TMOD1: variants seen among roughly 807,000 people sequenced by gnomAD.
The protein encoded by TMOD1 is tropomodulin-1.
In TMOD1, 17 loss-of-function variants were observed where a neutral mutation model predicts 40.6. The ratio of observed to expected loss-of-function variants is 0.42; its 90% CI spans 0.29 to 0.63. TMOD1 has a LOEUF of 0.63. TMOD1 is among the 20% of genes least tolerant of loss of function. The pLI, the probability that TMOD1 is intolerant of heterozygous loss-of-function variation, is 0.22. For synonymous variants in TMOD1, 181 were observed against 175.0 expected (o/e 1.03, Z -0.27); for missense variants, 391 against 447.6 (o/e 0.87, Z 1.14).
At chr9:97,599,411 A>G (rs373562246) in intron 9 of TMOD1, among the ~76,000 whole-genome samples, 2 of 152,164 alleles carry the variant, frequency 1.3e-5, no homozygotes, top group Non-Finnish European at 2.9e-5. Context: ...CACTTAGCAG[A>G]TATCTATGAA....
chr9:97,580,444 A>G (rs931922775), intron 8 of TMOD1, among the ~76,000 whole-genome samples: 12 of 152,190 alleles, frequency 7.9e-5, no homozygotes, highest in African/African-American at 2.6e-4. Context: ...ATCTCTACTA[A>G]AAACACAAAA....
At chr9:97,514,547 G>C (rs920070809) in intron 1 of TMOD1, among the ~76,000 whole-genome samples, 1 of 152,132 alleles carries the variant, frequency 6.6e-6, no homozygotes, top group East Asian at 1.9e-4. Context: ...CCTGGGGATG[G>C]GTTCTTGGAC....
At chr9:97,591,262 T>C in intron 8 of TMOD1, 29 bp from the exon 9 acceptor site, 2 of 1,572,946 alleles carry the variant, frequency 1.3e-6, no homozygotes, top group Non-Finnish European at 8.6e-7. Context: ...TGATTTTATT[T>C]TTTATTTTTT....
At chr9:97,577,878 A>G (rs902333644) in intron 8 of TMOD1, among the ~76,000 whole-genome samples, 1 of 152,232 alleles carries the variant, frequency 6.6e-6, no homozygotes, top group East Asian at 1.9e-4. Context: ...GCTTTTGTAA[A>G]ATGTTTATGA....
intron 3 of TMOD1, among the ~76,000 whole-genome samples, chr9:97,550,991 T>TA (rs1254502860): frequency 2.0e-4 from 16 of 80,540 alleles, no homozygotes; most frequent in African/African-American, 1.1e-3. Flanking sequence ...TTCTAAGAAT[T>TA]TTATATATAT....
intron 1 of TMOD1, among the ~76,000 whole-genome samples, chr9:97,511,852 T>TG (rs145941474): frequency 0.53 from 80,497 of 151,972 alleles, 21,745 homozygotes; most frequent in Middle Eastern, 0.63. Context: ...CCCAAAGTGC[T>TG]GGGATTACCG....
rs767275434 is a variant in TMOD1, at chr9:97,591,285, C to T, written c.871-6C>T. ...TTTTTTATTTTTTATTTTTTCTTGA[C>T]TAAAGAGCCAGCCCCTGGGCAACAA... is the stretch of plus-strand genomic sequence containing the variant. On this transcript the variant is annotated splice_polypyrimidine_tract_variant and splice_region_variant and intron_variant, in intron 8 of 9. Transcript: ENST00000259365. The T allele has an allele frequency of 5.6e-6, 9 of 1,611,598 alleles. No homozygotes were observed. Among genetic ancestry groups the T allele is most frequent in the South Asian group, 1.1e-5 (1 of 90,652 alleles).
intron 1 of TMOD1, among the ~76,000 whole-genome samples, chr9:97,519,057 G>A (rs1178912321): frequency 6.6e-6 from 1 of 152,236 alleles, no homozygotes; most frequent in African/African-American, 2.4e-5. Context: ...AGGAAGTGCA[G>A]TCCATAAATC....
chr9:97,563,316 G>A (rs1830669456), intron 5 of TMOD1, among the ~76,000 whole-genome samples: 1 of 152,198 alleles, frequency 6.6e-6, no homozygotes, highest in African/African-American at 2.4e-5. Context: ...GCCTCCCAAA[G>A]TGCTGGGATT....
intron 2 of TMOD1, among the ~76,000 whole-genome samples, chr9:97,538,468 A>C (rs544511492): frequency 4.5e-5 from 3 of 67,164 alleles, no homozygotes; most frequent in Admixed American, 3.7e-4. Flanking sequence ...TGAACTAACT[A>C]CAAAAAAAAA....
At chr9:97,531,640 T>C (rs1341699103) in intron 2 of TMOD1, among the ~76,000 whole-genome samples, 1 of 152,046 alleles carries the variant, frequency 6.6e-6, no homozygotes, top group Non-Finnish European at 1.5e-5. Context: ...CAAAGGGCCA[T>C]GAATTGCAGG....
Position 97,600,660 on chromosome 9 carries a change from A to C in TMOD1, c.*962A>C. On this transcript the variant is annotated 3_prime_UTR_variant, in exon 10 of 10. Transcript: ENST00000259365. The stretch of plus-strand genomic sequence containing the variant: ...CTACTGATCTCATCACTTATTAGAC[A>C]AATTGCTGCTGACCTTACGCCTGTA... 6 of 991,718 alleles carry C rather than the reference A, an allele frequency of 6.1e-6. No homozygotes were observed. The highest frequency in any genetic ancestry group is 7.2e-6 in the Non-Finnish European group (6 of 833,856). The allele number at this position is 991,718 out of a possible 1,614,324, so 61.4% of individuals were successfully genotyped here.
chr9:97,568,319 A>T (rs940075059), intron 7 of TMOD1, among the ~76,000 whole-genome samples: 1 of 152,196 alleles, frequency 6.6e-6, no homozygotes, highest in South Asian at 2.1e-4. Flanking sequence ...CACCAGGAGT[A>T]TATAGTCTAA....
intron 9 of TMOD1, among the ~76,000 whole-genome samples, chr9:97,595,294 C>T (rs1826084922): frequency 6.6e-6 from 1 of 152,174 alleles, no homozygotes; most frequent in Non-Finnish European, 1.5e-5. Flanking sequence ...ATTCACCATG[C>T]TGTGTAACAG....
chr9:97,589,523 C>T (rs1825957346), intron 8 of TMOD1, among the ~76,000 whole-genome samples: 1 of 151,984 alleles, frequency 6.6e-6, no homozygotes, highest in Admixed American at 6.6e-5. Context: ...TCGTGATCCA[C>T]CCGCCTCGGC....
chr9:97,551,037 T>A (rs1170736903), intron 3 of TMOD1, among the ~76,000 whole-genome samples: 127 of 98,328 alleles, frequency 1.3e-3, no homozygotes, highest in African/African-American at 4.0e-3. Flanking sequence ...TTTTTTTTTT[T>A]TTTTTAGATG....
intron 1 of TMOD1, among the ~76,000 whole-genome samples, chr9:97,517,166 G>A (rs1354113425): frequency 6.6e-6 from 1 of 151,790 alleles, no homozygotes; most frequent in Non-Finnish European, 1.5e-5. Flanking sequence ...GGGCAACATA[G>A]CAAGACCTCA....
At chr9:97,584,139 A>G (rs1341522022) in intron 8 of TMOD1, among the ~76,000 whole-genome samples, 1 of 151,316 alleles carries the variant, frequency 6.6e-6, no homozygotes, top group Non-Finnish European at 1.5e-5. Context: ...GTGGGCATTT[A>G]GTGCTATAAA....
At chr9:97,580,656 G>C (rs969090654) in intron 8 of TMOD1, among the ~76,000 whole-genome samples, 3 of 151,966 alleles carry the variant, frequency 2.0e-5, no homozygotes, top group Non-Finnish European at 4.4e-5. Flanking sequence ...GAGGGAGGGA[G>C]GGAACAGAGA....
Sources: allele counts gnomAD v4.1 joint callset (sites outside exome capture counted in the v4.1 genomes callset), GRCh38; gene constraint gnomAD v4.1.1; transcripts MANE v1.5; gene names NCBI Gene and HGNC (gene_info 2026-07-23, HGNC 2026-07-21).